ABCA13: variants seen among roughly 807,000 people sequenced by gnomAD.
The protein encoded by ABCA13 is ATP-binding cassette sub-family A member 13.
A neutral mutation model predicts 478.7 loss-of-function variants in ABCA13; 476 were observed. The ratio of observed to expected loss-of-function variants is 0.99; its 90% CI spans 0.92 to 1.07. The LOEUF (loss-of-function observed/expected upper bound fraction) is 1.07, where lower values mean the gene tolerates loss of function less well. Ranked by LOEUF, ABCA13 falls within the 50% of genes least tolerant of loss-of-function variation. ABCA13 has a pLI of 0.00. For synonymous variants in ABCA13, 2,252 were observed against 2,158.9 expected, an observed-to-expected ratio of 1.04 and a Z score of -1.20; for missense variants, 6,060 against 5,910.6, an observed-to-expected ratio of 1.03 and a Z score of -0.83.
chr7:48,370,358 T>C (rs990473937), intron 32 of ABCA13, among the ~76,000 whole-genome samples: 7 of 152,156 alleles, frequency 4.6e-5, no homozygotes, highest in African/African-American at 1.7e-4. Context: ...TTTGATTTCC[T>C]CTTTACTGAT....
intron 41 of ABCA13, among the ~76,000 whole-genome samples, chr7:48,421,831 T>A (rs1820778379): frequency 6.6e-6 from 1 of 152,082 alleles, no homozygotes; most frequent in African/African-American, 2.4e-5. Flanking sequence ...CAGCATTCAT[T>A]TAGTGTTTCC....
intron 29 of ABCA13, among the ~76,000 whole-genome samples, chr7:48,344,085 A>G (rs2128964485): frequency 6.6e-6 from 1 of 152,294 alleles, no homozygotes; most frequent in South Asian, 2.1e-4. Flanking sequence ...ACCAGACTGA[A>G]AGTGATTTGG....
intron 57 of ABCA13, among the ~76,000 whole-genome samples, chr7:48,592,242 T>G (rs1356782480): frequency 6.6e-6 from 1 of 151,918 alleles, no homozygotes; most frequent in Non-Finnish European, 1.5e-5. Context: ...AATCTGCTTT[T>G]ACTTCATCCC....
Position 48,477,655 on chromosome 7 carries a change from C to T in ABCA13, c.12976-3381C>T, listed in dbSNP as rs1187664648. ...TATCGCAAGGACAAAAAACCAAACA[C>T]TGCATGTTCTCACTCATAGGTGGGA... On this transcript the variant is annotated intron_variant, in intron 45 of 61. Coordinates refer to ENST00000435803, the MANE Select transcript of ABCA13 (RefSeq NM_152701.5). Among the ~76,000 whole-genome samples the T allele has an allele frequency of 3.4e-5, 5 of 147,790 alleles. No homozygotes were observed. In the East Asian group the frequency reaches 1.0e-3, roughly 30 times the overall value.
chr7:48,524,552 T>A, intron 54 of ABCA13, 112 bp downstream of exon 54: 1 of 994,096 alleles, frequency 1.0e-6, no homozygotes, highest in South Asian at 2.0e-5. Flanking sequence ...AAAATAGCCT[T>A]CAAATTTTAG....
intron 48 of ABCA13, among the ~76,000 whole-genome samples, chr7:48,497,186 A>C (rs1295499605): frequency 3.9e-5 from 6 of 152,024 alleles, no homozygotes; most frequent in African/African-American, 1.4e-4. Context: ...TCTCGAGTCC[A>C]TGCAGTCTCT....
chr7:48,324,194 T>C (rs1179536276), intron 27 of ABCA13, among the ~76,000 whole-genome samples: 1 of 152,162 alleles, frequency 6.6e-6, no homozygotes. Context: ...TGAATGACCA[T>C]GATCAAGGTA....
intron 55 of ABCA13, among the ~76,000 whole-genome samples, chr7:48,545,636 A>G (rs191385253): frequency 1.4e-4 from 21 of 151,870 alleles, no homozygotes; most frequent in African/African-American, 2.4e-5. Context: ...TCTACTATAT[A>G]GATAAATTAA....
At chr7:48,523,968 A>G (rs1288518623) in intron 53 of ABCA13, among the ~76,000 whole-genome samples, 3 of 152,206 alleles carry the variant, frequency 2.0e-5, no homozygotes, top group Admixed American at 1.3e-4. Context: ...TTAATCTGGC[A>G]TGATCTTATT....
At chr7:48,372,600 T>A (rs1396549062) in intron 33 of ABCA13, 103 bp downstream of exon 33, 16 of 970,872 alleles carry the variant, frequency 1.6e-5, no homozygotes, top group Non-Finnish European at 4.4e-6. Flanking sequence ...TTTGTCATGT[T>A]CATATCTACA....
chr7:48,475,458 ATTTTT>A (rs398047655), intron 45 of ABCA13, among the ~76,000 whole-genome samples: 7 of 100,472 alleles, frequency 7.0e-5, no homozygotes, highest in African/African-American at 2.7e-4. Flanking sequence ...TGTCAATTTA[ATTTTT>A]TTTTTTTTTT....
intron 40 of ABCA13, among the ~76,000 whole-genome samples, chr7:48,411,003 C>CTTTCTT (rs1818986806): frequency 9.1e-6 from 1 of 109,538 alleles, no homozygotes; most frequent in South Asian, 2.7e-4. Context: ...TTCTTTCTTT[C>CTTTCTT]TTTCTTTCTT....
Position 48,272,952 on chromosome 7 carries a change from GATA to G in ABCA13, c.3291_3293del (p.Asn1097del), listed in dbSNP as rs776389354. On this transcript the variant is annotated inframe_deletion, in exon 17 of 62. Transcript: ENST00000435803. Reference sequence around the variant, plus strand: ...CAACAGTTCAGTAGAAGACCTATTGGATAATAAATGCTTGATTTCGGACAATAA... The same window carrying G: ...CAACAGTTCAGTAGAAGACCTATTGGATAAATGCTTGATTTCGGACAATAA... The G allele has an allele frequency of 2.5e-6, 4 of 1,613,170 alleles. No individual in the cohort carries two copies. The African/African-American group carries it at 4.0e-5, about 16-fold the overall frequency.
intron 15 of ABCA13, 92 bp from the exon 16 acceptor site, chr7:48,268,888 T>C: frequency 2.5e-6 from 1 of 407,488 alleles, no homozygotes; most frequent in Non-Finnish European, 4.6e-6. Context: ...TTTTCAACCA[T>C]ATTAGGTGAA....
In ABCA13 at chr7:48,279,468, T is replaced by A. The variant is rs757872863; in HGVS notation, c.8274T>A (p.Ser2758=). Reference sequence around the variant, plus strand: ...TAAAGAAAGATAATTGGAATGTTTCTAATGTGTTGATGACATTTACTCAGC... The same window carrying A: ...TAAAGAAAGATAATTGGAATGTTTCAAATGTGTTGATGACATTTACTCAGC... ...KNLKKDNWNV[S]NVLMTFTQHP... The change falls in exon 18 of 62, where the codon TCT becomes TCA. Residue 2758 remains serine, a synonymous_variant. Transcript: ENST00000435803. The A allele has an allele frequency of 1.9e-6, 3 of 1,611,042 alleles. No individual in the cohort carries two copies. In the Admixed American group the frequency reaches 5.0e-5, roughly 27 times the overall value.
At chr7:48,511,435 C>T (rs1303507409) in intron 51 of ABCA13, among the ~76,000 whole-genome samples, 5 of 152,052 alleles carry the variant, frequency 3.3e-5, no homozygotes, top group Non-Finnish European at 7.4e-5. Context: ...TCAGACAGGC[C>T]CTTGAGCTGT....
chr7:48,176,873 G>T (rs1364203821), intron 1 of ABCA13, among the ~76,000 whole-genome samples: 1 of 152,146 alleles, frequency 6.6e-6, no homozygotes, highest in African/African-American at 2.4e-5. Flanking sequence ...AAAGAAACAT[G>T]TTCTCAAGTT....
chr7:48,427,786 A>C lies in ABCA13; in HGVS notation c.12480A>C (p.Gln4160His). ...GAAAGGTGTTTTTGATGCTTTTGCAAGATTCCAACAAGAAATCTCACATTG... is the reference window on the plus strand; with the variant it reads ...GAAAGGTGTTTTTGATGCTTTTGCACGATTCCAACAAGAAATCTCACATTG... The part of the protein sequence containing the change: ...TLEEVFLMLL[Q>H]DSNKKSHIAL... The change falls in exon 42 of 62, where the codon CAA becomes CAC. Residue 4160 changes from glutamine (Q) to histidine (H), a missense_variant. Around this residue, in one of 3 missense-constraint regions of ABCA13, gnomAD observed 1,627 missense variants for 1,571.0 expected, o/e 1.04. Coordinates refer to ENST00000435803, the MANE Select transcript of ABCA13 (RefSeq NM_152701.5). 6.2e-7 allele frequency: 1 copy of C among 1,613,694 alleles called. No homozygotes were observed. The highest frequency in any genetic ancestry group is 8.5e-7 in the Non-Finnish European group (1 of 1,179,722).
At chr7:48,173,403 A>G (rs1397624676) in intron 1 of ABCA13, among the ~76,000 whole-genome samples, 1 of 152,360 alleles carries the variant, frequency 6.6e-6, no homozygotes, top group African/African-American at 2.4e-5. Flanking sequence ...TGTTCAGTAA[A>G]TATTTGTTGA....
Sources: allele counts gnomAD v4.1 joint callset (sites outside exome capture counted in the v4.1 genomes callset), GRCh38; gene constraint gnomAD v4.1.1; regional missense constraint gnomAD v4.1.1; transcripts MANE v1.5; gene names NCBI Gene and HGNC (gene_info 2026-07-23, HGNC 2026-07-21).